Variants in GRIP1 observed in about 807,000 individuals in gnomAD.
GRIP1 encodes the protein glutamate receptor-interacting protein 1.
A neutral mutation model predicts 129.9 loss-of-function variants in GRIP1; 45 were observed. That is an observed-to-expected ratio of 0.35 (90% CI 0.27 to 0.44). GRIP1 has a LOEUF of 0.44. GRIP1 is among the 20% of genes least tolerant of loss of function. The pLI, the probability that GRIP1 is intolerant of heterozygous loss-of-function variation, is 1.00. For missense variants in GRIP1, 1,196 were observed against 1,396.8 expected (o/e 0.86, Z 2.29); for synonymous variants, 530 against 520.8 (o/e 1.02, Z -0.24).
At chr12:66,971,136 G>A (rs904164423) in intron 1 of GRIP1, among the ~76,000 whole-genome samples, 2 of 152,126 alleles carry the variant, frequency 1.3e-5, no homozygotes, top group African/African-American at 4.8e-5. Context: ...CTATTTAAAT[G>A]GCCCTTCTAG....
chr12:66,468,645 T>G (rs2032240377), intron 7 of GRIP1, among the ~76,000 whole-genome samples: 2 of 151,100 alleles, frequency 1.3e-5, no homozygotes, highest in South Asian at 4.2e-4. Context: ...CATCAGGATA[T>G]TCAAAAGGTG....
intron 1 of GRIP1, among the ~76,000 whole-genome samples, chr12:66,862,964 A>G (rs913688286): frequency 6.6e-6 from 1 of 152,098 alleles, no homozygotes; most frequent in Non-Finnish European, 1.5e-5. Flanking sequence ...ATGTTGTACT[A>G]TTATTGAAAC....
chr12:66,930,079 G>T (rs1592357393), intron 1 of GRIP1, among the ~76,000 whole-genome samples: 1 of 135,438 alleles, frequency 7.4e-6, no homozygotes, highest in African/African-American at 2.7e-5. Flanking sequence ...TTACGTCAAT[G>T]CATACTTTCT....
At chr12:66,662,512 T>C (rs2033569966) in intron 1 of GRIP1, among the ~76,000 whole-genome samples, 1 of 152,186 alleles carries the variant, frequency 6.6e-6, no homozygotes, top group Non-Finnish European at 1.5e-5. Context: ...GTGCCTATTA[T>C]AAAACTTCTC....
At chr12:66,442,849 T>C (rs1565741841) in intron 13 of GRIP1, among the ~76,000 whole-genome samples, 1 of 152,232 alleles carries the variant, frequency 6.6e-6, no homozygotes, top group Non-Finnish European at 1.5e-5. Flanking sequence ...TTGTTAATTT[T>C]TAAATTAACT....
chr12:66,560,054 A>C (rs2062466255), intron 2 of GRIP1, among the ~76,000 whole-genome samples: 1 of 152,164 alleles, frequency 6.6e-6, no homozygotes. Flanking sequence ...AGGTGCCAAG[A>C]ATATACACTG....
At chr12:66,963,666 T>C (rs2041955328) in intron 1 of GRIP1, among the ~76,000 whole-genome samples, 1 of 152,156 alleles carries the variant, frequency 6.6e-6, no homozygotes, top group Non-Finnish European at 1.5e-5. Context: ...TTCTATTTTC[T>C]TCTCTCAATA....
At chr12:66,796,487 G>C (rs748448759) in intron 1 of GRIP1, among the ~76,000 whole-genome samples, 1 of 151,966 alleles carries the variant, frequency 6.6e-6, no homozygotes, top group Non-Finnish European at 1.5e-5. Context: ...CTTCAATCAG[G>C]GTCATCCCAA....
chr12:66,768,346 A>G (rs1224098903), intron 1 of GRIP1, among the ~76,000 whole-genome samples: 1 of 152,240 alleles, frequency 6.6e-6, no homozygotes, highest in Non-Finnish European at 1.5e-5. Flanking sequence ...TCACTGAAGT[A>G]TCTGCCTACA....
intron 1 of GRIP1, among the ~76,000 whole-genome samples, chr12:66,782,928 G>A (rs539226541): frequency 1.1e-4 from 16 of 152,172 alleles, no homozygotes; most frequent in Non-Finnish European, 2.1e-4. Context: ...GAGATGCCAG[G>A]ATTCTGATCA....
chr12:66,471,847 G>C (rs2059448022), intron 7 of GRIP1, among the ~76,000 whole-genome samples: 1 of 152,206 alleles, frequency 6.6e-6, no homozygotes. Flanking sequence ...ATCAATGATG[G>C]TGTCTCTAGA....
rs941235998 is a variant in GRIP1 at position 66,372,097 on chromosome 12, T to C, written c.2779-170A>G. The C allele has an allele frequency of 9.2e-6, 6 of 653,384 alleles. No individual in the cohort carries two copies. The African/African-American group carries it at 1.1e-4, about 12-fold the overall frequency. 40.5% of individuals were successfully genotyped at this position (653,384 alleles called of 1,614,324 possible). A position where few individuals can be genotyped will look rare whatever the true frequency, so the allele number is the denominator to read the frequency against. Reference sequence around the variant, plus strand: ...AATTGAACTATGAAAGTCTGGAAAATGCTTTGCAAGTGACATTTATAATGC... The same window carrying C: ...AATTGAACTATGAAAGTCTGGAAAACGCTTTGCAAGTGACATTTATAATGC... On this transcript the variant is annotated intron_variant, in intron 22 of 24. Transcript: ENST00000359742.
At chr12:66,654,972 T>G (rs1332595653) in intron 1 of GRIP1, among the ~76,000 whole-genome samples, 1 of 152,212 alleles carries the variant, frequency 6.6e-6, no homozygotes, top group Admixed American at 6.5e-5. Context: ...ACATTCTTAT[T>G]TTATTTTCAT....
At chr12:66,405,591 C>T (rs148747057) in intron 16 of GRIP1, among the ~76,000 whole-genome samples, 24 of 152,274 alleles carry the variant, frequency 1.6e-4, no homozygotes, top group African/African-American at 5.8e-4. Context: ...ATTCTATGCC[C>T]TCCTAAGTTT....
At chr12:67,012,433 TTTTGC>T (rs1349465483) in intron 1 of GRIP1, among the ~76,000 whole-genome samples, 1 of 152,124 alleles carries the variant, frequency 6.6e-6, no homozygotes, top group Admixed American at 6.6e-5. Context: ...TAGGACAAAC[TTTTGC>T]ATTGTTAGGA....
intron 1 of GRIP1, among the ~76,000 whole-genome samples, chr12:66,599,358 G>A (rs2064181884): frequency 6.6e-6 from 1 of 152,174 alleles, no homozygotes; most frequent in Admixed American, 6.5e-5. Context: ...TGGAAGGGAG[G>A]CAGAGGCTTG....
intron 1 of GRIP1, among the ~76,000 whole-genome samples, chr12:66,723,213 TC>T (rs2036118034): frequency 2.0e-5 from 1 of 50,996 alleles, no homozygotes; most frequent in African/African-American, 1.1e-4. Flanking sequence ...TTTCTTTCTT[TC>T]TTTCTTTCTT....
chr12:66,856,769 T>C lies in GRIP1; in HGVS notation c.58+212281A>G, dbSNP rs1426086316. ...GAGAAATAGGAACACTTTTACACTG[T>C]TGGTGGGACTGTAAACTAGTTCAAC... is the stretch of plus-strand genomic sequence containing the variant. On this transcript the variant is annotated intron_variant, in intron 1 of 1. Transcript: ENST00000643019. Among the ~76,000 whole-genome samples, 7 of 151,872 alleles carry C rather than the reference T, an allele frequency of 4.6e-5. No individual in the cohort carries two copies. In the East Asian group the frequency reaches 9.7e-4, roughly 21 times the overall value.
chr12:66,421,815 A>C (rs998616480), intron 14 of GRIP1, among the ~76,000 whole-genome samples: 2 of 152,112 alleles, frequency 1.3e-5, no homozygotes, highest in Non-Finnish European at 2.9e-5. Flanking sequence ...CAATTTTCTC[A>C]GGAATATTTC....
Sources: allele counts gnomAD v4.1 joint callset (sites outside exome capture counted in the v4.1 genomes callset), GRCh38; gene constraint gnomAD v4.1.1; transcripts MANE v1.5; gene names NCBI Gene and HGNC (gene_info 2026-07-23, HGNC 2026-07-21).